C11orf87: variants seen among roughly 807,000 people sequenced by gnomAD.
The protein encoded by C11orf87 is uncharacterized protein C11orf87.
C11orf87 carries 3 observed loss-of-function variants against 9.2 expected under a neutral mutation model. The observed-to-expected ratio is 0.33, with a 90% CI of 0.15 to 0.84. The LOEUF (loss-of-function observed/expected upper bound fraction) is 0.84. Among genes scored for constraint, C11orf87 ranks in the 40% least tolerant of loss-of-function variants. The pLI is 0.55. For missense variants in C11orf87, 256 were observed against 270.7 expected, an observed-to-expected ratio of 0.95 and a Z score of 0.38; for synonymous variants, 124 against 124.6, an observed-to-expected ratio of 1.00 and a Z score of 0.03.
Position 109,425,701 on chromosome 11 carries a change from T to G in C11orf87, c.*1474T>G, listed in dbSNP as rs1381400142. The G allele has an allele frequency of 6.5e-6, 1 of 153,000 alleles. No homozygotes were observed. Among genetic ancestry groups the G allele is most frequent in the Non-Finnish European group, 1.5e-5 (1 of 68,040 alleles). 9.5% of individuals were successfully genotyped at this position (153,000 alleles called of 1,614,324 possible). On this transcript the variant is annotated 3_prime_UTR_variant, in exon 2 of 2. Coordinates refer to ENST00000327419, the MANE Select transcript of C11orf87 (RefSeq NM_207645.4). ...ATCTATTAAAAACATGGTTAATATT[T>G]AAACAGTGCCTGTAGTTCTCCCTGC...
At position 109,425,785 on chromosome 11, in the gene C11orf87, G is replaced by A. The variant is rs1860565198; in HGVS notation, c.*1558G>A. 1.3e-5 allele frequency: 2 copies of A among 152,414 alleles called. No homozygotes were observed. Among genetic ancestry groups the A allele is most frequent in the African/African-American group, 4.8e-5 (2 of 41,424 alleles). 9.4% of individuals were successfully genotyped at this position (152,414 alleles called of 1,614,324 possible). A position where few individuals can be genotyped will look rare whatever the true frequency, so the allele number is the denominator to read the frequency against. ...GCTTGCTTGTACTGTATGTGGTTGG[G>A]GATGAGACTGGTGGGGATGTTGGGC... On this transcript the variant is annotated 3_prime_UTR_variant, in exon 2 of 2. Coordinates refer to ENST00000327419, the MANE Select transcript of C11orf87 (RefSeq NM_207645.4).
chr11:109,423,728 A>T lies in C11orf87; in HGVS notation c.95A>T (p.Asn32Ile), dbSNP rs936589969. ...TCCCCCAACGCCAGCGGCAGCGGCA[A>T]CACGGGTGCCCGCGGCCCAGGCGCA... Reference protein sequence around the residue: ...FASPNASGSGNTGARGPGAVG... With the variant: ...FASPNASGSGITGARGPGAVG... Residue 32 changes from asparagine (N) to isoleucine (I), a missense_variant, in exon 2 of 2, where the codon AAC becomes ATC. Coordinates refer to ENST00000327419, the MANE Select transcript of C11orf87 (RefSeq NM_207645.4). The surrounding 1 kb of genome is among the most constrained non-coding windows in gnomAD (Gnocchi z 5.3). 1 of 1,613,718 alleles carries T rather than the reference A, an allele frequency of 6.2e-7. No homozygotes were observed. The highest frequency in any genetic ancestry group is 1.7e-5 in the Admixed American group (1 of 60,004).
chr11:109,424,008 C>A lies in C11orf87; in HGVS notation c.375C>A (p.His125Gln), dbSNP rs564751052. Residue 125 changes from histidine to glutamine, a missense_variant, in exon 2 of 2, where the codon CAC becomes CAA. Coordinates refer to ENST00000327419, the MANE Select transcript of C11orf87 (RefSeq NM_207645.4). This position sits in a 1 kb window ranked among gnomAD's most constrained non-coding sequence, Gnocchi z 4.7. ...LPRPGRQAPTHAKETRLERQP... is the reference protein window; with the variant it reads ...LPRPGRQAPTQAKETRLERQP... ...GACCTGGCAGGCAGGCCCCAACCCA[C>A]GCAAAGGAAACCCGGCTGGAGAGGC... The A allele has an allele frequency of 3.8e-5, 62 of 1,614,002 alleles. 1 individual carries two copies. In the South Asian group the frequency reaches 6.1e-4, roughly 16 times the overall value.
In C11orf87 at chr11:109,427,563, T is replaced by C. The variant is rs779202868; in HGVS notation, c.*3336T>C. On this transcript the variant is annotated 3_prime_UTR_variant, in exon 2 of 2. Coordinates refer to ENST00000327419, the MANE Select transcript of C11orf87 (RefSeq NM_207645.4). ...TTCATTTTTATGAAACAAAAGGCAA[T>C]CTGGAAATAGCTAAATTTATTTTAA... 9.9e-5 allele frequency: 15 copies of C among 152,170 alleles called. No homozygotes were observed. Among genetic ancestry groups the C allele is most frequent in the Non-Finnish European group, 1.9e-4 (13 of 67,998 alleles). The allele number at this position is 152,170 out of a possible 1,614,324, so 9.4% of individuals were successfully genotyped here. A position where few individuals can be genotyped will look rare whatever the true frequency, so the allele number is the denominator to read the frequency against.
Position 109,423,954 on chromosome 11 carries a change from C to T in C11orf87, c.321C>T (p.Ser107=), listed in dbSNP as rs768536867. The change falls in exon 2 of 2, where the codon AGC becomes AGT. Residue 107 remains serine (S), a synonymous_variant. Coordinates refer to ENST00000327419, the MANE Select transcript of C11orf87 (RefSeq NM_207645.4). The surrounding 1 kb of genome is among the most constrained non-coding windows in gnomAD (Gnocchi z 5.3). The part of the protein sequence containing the change: ...AQEEYERDHC[S]GSRGGGGLPR... Reference sequence around the variant, plus strand: ...AGGAATATGAGCGGGATCACTGCAGCGGCAGCCGCGGTGGCGGGGGGCTGC... The same window carrying T: ...AGGAATATGAGCGGGATCACTGCAGTGGCAGCCGCGGTGGCGGGGGGCTGC... The T allele has an allele frequency of 1.6e-5, 26 of 1,613,880 alleles. No homozygotes were observed. The East Asian group carries it at 1.8e-4, about 11-fold the overall frequency.
Position 109,423,963 on chromosome 11 carries a change from C to T in C11orf87, c.330C>T (p.Arg110=), listed in dbSNP as rs1212239364. 1.2e-6 allele frequency: 2 copies of T among 1,613,922 alleles called. No individual in the cohort carries two copies. The highest frequency in any genetic ancestry group is 1.7e-6 in the Non-Finnish European group (2 of 1,179,824). Residue 110 remains arginine, a synonymous_variant, in exon 2 of 2, where the codon CGC becomes CGT. Transcript: ENST00000327419. This position sits in a 1 kb window ranked among gnomAD's most constrained non-coding sequence, Gnocchi z 5.3. ...AGCGGGATCACTGCAGCGGCAGCCGCGGTGGCGGGGGGCTGCCCCGACCTG... is the reference window on the plus strand; with the variant it reads ...AGCGGGATCACTGCAGCGGCAGCCGTGGTGGCGGGGGGCTGCCCCGACCTG... ...EYERDHCSGS[R]GGGGLPRPGR...
chr11:109,423,815 C>T lies in C11orf87; in HGVS notation c.182C>T (p.Thr61Met), dbSNP rs187108020. ...GQQLFQSFSS[T>M]LVLIVLVTLI... ...CAGCTCTTCCAGTCCTTCTCCTCCA[C>T]GCTGGTGCTGATTGTCCTGGTTACC... Residue 61 changes from threonine to methionine, a missense_variant, in exon 2 of 2, where the codon ACG becomes ATG. By Grantham distance (81) the Thr-to-Met change is moderately conservative. Transcript: ENST00000327419. This position sits in a 1 kb window ranked among gnomAD's most constrained non-coding sequence, Gnocchi z 5.3. The T allele has an allele frequency of 1.5e-5, 24 of 1,614,150 alleles. No individual in the cohort carries two copies. Among genetic ancestry groups the T allele is most frequent in the East Asian group, 8.9e-5 (4 of 44,868 alleles).
In C11orf87 at chr11:109,425,981, A is replaced by C. The variant is rs144935313; in HGVS notation, c.*1754A>C. ...TCACTGAACATACAAAAATACTGAG[A>C]AAAAAAGAAAGTGAGAAAATAAGAT... On this transcript the variant is annotated 3_prime_UTR_variant, in exon 2 of 2. Transcript: ENST00000327419. 6.6e-6 allele frequency: 1 copy of C among 152,316 alleles called. No homozygotes were observed. Among genetic ancestry groups the C allele is most frequent in the African/African-American group, 2.4e-5 (1 of 41,566 alleles). The allele number at this position is 152,316 out of a possible 1,614,324, so 9.4% of individuals were successfully genotyped here.
chr11:109,422,523 A>G (rs1860505076), intron 1 of C11orf87, among the ~76,000 whole-genome samples: 1 of 152,170 alleles, frequency 6.6e-6, no homozygotes, highest in Non-Finnish European at 1.5e-5. Flanking sequence ...TATGCCGGAA[A>G]AGCCTCGGGG....
rs1401787227 is a variant in C11orf87 at position 109,426,633 on chromosome 11, GC to G, written c.*2408del. 1.3e-5 allele frequency: 2 copies of G among 152,072 alleles called. No homozygotes were observed. Among genetic ancestry groups the G allele is most frequent in the Middle Eastern group, 3.2e-3 (1 of 316 alleles). The allele number at this position is 152,072 out of a possible 1,614,324, so 9.4% of individuals were successfully genotyped here. On this transcript the variant is annotated 3_prime_UTR_variant, in exon 2 of 2. Transcript: ENST00000327419. ...TAAAAGAGTGCATTAACTCCCTCAGGCCACTAGGGAATCCTGTAGTGCATCA... is the reference window on the plus strand; with the variant it reads ...TAAAAGAGTGCATTAACTCCCTCAGGCACTAGGGAATCCTGTAGTGCATCA...
Position 109,426,297 on chromosome 11 carries a change from C to T in C11orf87, c.*2070C>T, listed in dbSNP as rs1423058348. 6.6e-6 allele frequency: 1 copy of T among 152,164 alleles called. No individual in the cohort carries two copies. The highest frequency in any genetic ancestry group is 1.5e-5 in the Non-Finnish European group (1 of 68,036). The allele number at this position is 152,164 out of a possible 1,614,324, so 9.4% of individuals were successfully genotyped here. ...CAGTGCCCCTATGAGCATCCCTCTC[C>T]CAAGCAACTCATTGTTCTAAATTGT... On this transcript the variant is annotated 3_prime_UTR_variant, in exon 2 of 2. Transcript: ENST00000327419.
chr11:109,423,615 C>A lies in C11orf87; in HGVS notation c.-19C>A. 1 of 1,577,172 alleles carries A rather than the reference C, an allele frequency of 6.3e-7. No individual in the cohort carries two copies. The highest frequency in any genetic ancestry group is 1.1e-5 in the South Asian group (1 of 88,236). On this transcript the variant is annotated 5_prime_UTR_variant, in exon 2 of 2. Transcript: ENST00000327419. This position sits in a 1 kb window ranked among gnomAD's most constrained non-coding sequence, Gnocchi z 5.3. ...AGAGGGGAAGCCTAGTGGGCCTGGC[C>A]CCTCCCAGCCCCGCGCCAATGAGTG...
At position 109,423,555 on chromosome 11, in the gene C11orf87, C is replaced by T. The variant is rs1591274041; in HGVS notation, c.-79C>T. 2.8e-6 allele frequency: 4 copies of T among 1,407,738 alleles called. No individual in the cohort carries two copies. Among genetic ancestry groups the T allele is most frequent in the Non-Finnish European group, 3.8e-6 (4 of 1,057,356 alleles). 87.2% of individuals were successfully genotyped at this position (1,407,738 alleles called of 1,614,324 possible). On this transcript the variant is annotated 5_prime_UTR_variant, in exon 2 of 2. Coordinates refer to ENST00000327419, the MANE Select transcript of C11orf87 (RefSeq NM_207645.4). This position sits in a 1 kb window ranked among gnomAD's most constrained non-coding sequence, Gnocchi z 5.3. ...GAGCAGTTTTGGGTGGCGTGGGCTC[C>T]GTCCTCTTCTTGGCTGGTAGGAACG...
At position 109,423,261 on chromosome 11, in the gene C11orf87, C is replaced by T. The variant is rs1860519303; in HGVS notation, c.-259-114C>T. 3.6e-6 allele frequency: 1 copy of T among 277,002 alleles called. No homozygotes were observed. Among genetic ancestry groups the T allele is most frequent in the Non-Finnish European group, 6.8e-6 (1 of 147,614 alleles). The allele number at this position is 277,002 out of a possible 1,614,324, so 17.2% of individuals were successfully genotyped here. On this transcript the variant is annotated intron_variant, in intron 1 of 1. Transcript: ENST00000327419. The surrounding 1 kb of genome is among the most constrained non-coding windows in gnomAD (Gnocchi z 5.3). ...GTCCGCTGACCGAAAATACAGGCAG[C>T]GCCCAGCTCAGGCAGTGTGCCCAGA...
In C11orf87 at chr11:109,424,783, TATTATAA is replaced by T. The variant is rs1860548364; in HGVS notation, c.*558_*564del. 6.0e-6 allele frequency: 1 copy of T among 167,094 alleles called. No individual in the cohort carries two copies. The highest frequency in any genetic ancestry group is 1.9e-4 in the East Asian group (1 of 5,194). The allele number at this position is 167,094 out of a possible 1,614,324, so 10.4% of individuals were successfully genotyped here. A position where few individuals can be genotyped will look rare whatever the true frequency, so the allele number is the denominator to read the frequency against. Reference sequence around the variant, plus strand: ...CCTCAGCCGGGCTCAGGCAATAGTATATTATAAAGAAAATGTCTACATTAAGCACCAG... The same window carrying T: ...CCTCAGCCGGGCTCAGGCAATAGTATAGAAAATGTCTACATTAAGCACCAG... On this transcript the variant is annotated 3_prime_UTR_variant, in exon 2 of 2. Transcript: ENST00000327419. This position sits in a 1 kb window ranked among gnomAD's most constrained non-coding sequence, Gnocchi z 4.7.
In C11orf87 at chr11:109,428,407, G is replaced by T. The variant is rs1057363303; in HGVS notation, c.*4180G>T. Reference sequence around the variant, plus strand: ...CTATCTGTATCAATTGTATTAATTAGATAATGGTTAAATTTTTATTTTTTT... The same window carrying T: ...CTATCTGTATCAATTGTATTAATTATATAATGGTTAAATTTTTATTTTTTT... On this transcript the variant is annotated 3_prime_UTR_variant, in exon 2 of 2. Transcript: ENST00000327419. 6.6e-6 allele frequency: 1 copy of T among 152,064 alleles called. No individual in the cohort carries two copies. Among genetic ancestry groups the T allele is most frequent in the African/African-American group, 2.4e-5 (1 of 41,428 alleles). 9.4% of individuals were successfully genotyped at this position (152,064 alleles called of 1,614,324 possible).
Position 109,423,657 on chromosome 11 carries a change from G to T in C11orf87, c.24G>T (p.Glu8Asp), listed in dbSNP as rs769498600. Residue 8 changes from glutamate to aspartate, a missense_variant, in exon 2 of 2, where the codon GAG (glutamate) becomes GAT (aspartate). By Grantham distance (45) the Glu-to-Asp change is conservative. Transcript: ENST00000327419. This position sits in a 1 kb window ranked among gnomAD's most constrained non-coding sequence, Gnocchi z 5.3. ...CAATGAGTGCCAGGGCGCCGAAGGA[G>T]CTGAGGCTGGCGTTGCCGCCGTGTC... MSARAPK[E>D]LRLALPPCLL... is the part of the protein sequence containing the mutation. The T allele has an allele frequency of 1.2e-6, 2 of 1,604,330 alleles. No homozygotes were observed. Among genetic ancestry groups the T allele is most frequent in the South Asian group, 1.1e-5 (1 of 90,754 alleles).
At chr11:109,422,889 G>A (rs1860512107) in intron 1 of C11orf87, among the ~76,000 whole-genome samples, 1 of 151,892 alleles carries the variant, frequency 6.6e-6, no homozygotes. Flanking sequence ...GGGATCTGAC[G>A]CTGTCCAGGG....
rs1860575338 is a variant in C11orf87, at chr11:109,426,568, C to T, written c.*2341C>T. 6.6e-6 allele frequency: 1 copy of T among 152,040 alleles called. No homozygotes were observed. The highest frequency in any genetic ancestry group is 2.4e-5 in the African/African-American group (1 of 41,380). The allele number at this position is 152,040 out of a possible 1,614,324, so 9.4% of individuals were successfully genotyped here. ...GGGTACAATATATTAAACAATGAAC[C>T]AGTTTTTCTCCAGTGCCTTAGTCAC... On this transcript the variant is annotated 3_prime_UTR_variant, in exon 2 of 2. Transcript: ENST00000327419.
Sources: allele counts gnomAD v4.1 joint callset (sites outside exome capture counted in the v4.1 genomes callset), GRCh38; gene constraint gnomAD v4.1.1; non-coding constraint Gnocchi (gnomAD v3.1); transcripts MANE v1.5; gene names NCBI Gene and HGNC (gene_info 2026-07-23, HGNC 2026-07-21).